The following RAB8B variants were observed in gnomAD, a reference collection of about 807,000 sequenced individuals.
The protein encoded by RAB8B is RAB8B, member RAS oncogene family, also known as ras-related protein Rab-8B.
A neutral mutation model predicts 32.0 loss-of-function variants in RAB8B; 11 were observed. The observed-to-expected ratio is 0.34, with a 90% CI of 0.22 to 0.57. RAB8B has a LOEUF of 0.57. Ranked by LOEUF, RAB8B falls within the 20% of genes least tolerant of loss-of-function variation. The pLI is 0.86. For synonymous variants in RAB8B, 103 were observed against 89.6 expected, an observed-to-expected ratio of 1.15 and a Z score of -0.85; for missense variants, 190 against 258.5, an observed-to-expected ratio of 0.73 and a Z score of 1.82.
chr15:63,237,687 T>C (rs1019517855), intron 1 of RAB8B, among the ~76,000 whole-genome samples: 6 of 152,312 alleles, frequency 3.9e-5, no homozygotes, highest in Admixed American at 3.9e-4. Flanking sequence ...GTGTGTTGTC[T>C]CTTCACTTTG....
At chr15:63,253,314 A>G (rs1006764153) in intron 3 of RAB8B, among the ~76,000 whole-genome samples, 14 of 152,088 alleles carry the variant, frequency 9.2e-5, no homozygotes, top group African/African-American at 2.9e-4. Context: ...TTCTTTGTCT[A>G]TGTGTATATG....
intron 1 of RAB8B, among the ~76,000 whole-genome samples, chr15:63,191,253 C>T (rs1293452905): frequency 6.6e-6 from 1 of 151,976 alleles, no homozygotes; most frequent in African/African-American, 2.4e-5. Context: ...TTTGGTAATA[C>T]GTGTGTTTAA....
chr15:63,200,297 T>C (rs2037636748), intron 1 of RAB8B, among the ~76,000 whole-genome samples: 1 of 152,248 alleles, frequency 6.6e-6, no homozygotes, highest in African/African-American at 2.4e-5. Flanking sequence ...CAAGCCTGTA[T>C]TGATCTTGTA....
At chr15:63,216,436 C>G (rs1403069137) in intron 1 of RAB8B, among the ~76,000 whole-genome samples, 1 of 151,602 alleles carries the variant, frequency 6.6e-6, no homozygotes, top group Non-Finnish European at 1.5e-5. Context: ...ACCATGTTGT[C>G]CAGGTTGGTC....
At chr15:63,205,161 A>G (rs1345717507) in intron 1 of RAB8B, among the ~76,000 whole-genome samples, 3 of 152,158 alleles carry the variant, frequency 2.0e-5, no homozygotes, top group Non-Finnish European at 2.9e-5. Flanking sequence ...TTAGCAGGGC[A>G]TGATGGTGGG....
intron 1 of RAB8B, among the ~76,000 whole-genome samples, chr15:63,199,463 A>G (rs913328953): frequency 6.6e-6 from 1 of 152,164 alleles, no homozygotes; most frequent in African/African-American, 2.4e-5. Context: ...TGCATTCCCT[A>G]TTTTGTCTAC....
intron 7 of RAB8B, 32 bp from the exon 8 acceptor site, chr15:63,263,495 T>C: frequency 6.5e-7 from 1 of 1,534,782 alleles, no homozygotes; most frequent in Non-Finnish European, 9.0e-7. Flanking sequence ...GAAACTTTTA[T>C]TTCCTTGGTA....
At chr15:63,207,400 C>T (rs1400350975) in intron 1 of RAB8B, among the ~76,000 whole-genome samples, 1 of 152,164 alleles carries the variant, frequency 6.6e-6, no homozygotes, top group African/African-American at 2.4e-5. Context: ...CTCTCTCAGA[C>T]TCCTCTGTGT....
At chr15:63,241,548 A>G (rs188106798) in intron 1 of RAB8B, among the ~76,000 whole-genome samples, 1 of 152,296 alleles carries the variant, frequency 6.6e-6, no homozygotes, top group African/African-American at 2.4e-5. Flanking sequence ...CTGTGGTGCA[A>G]CTGATCCGTA....
At chr15:63,251,447 G>A (rs1053373252) in intron 3 of RAB8B, 1 of 382,712 alleles carries the variant, frequency 2.6e-6, no homozygotes, top group African/African-American at 2.1e-5. Flanking sequence ...CATTTTCACT[G>A]GAGGGTGGGC....
chr15:63,218,199 A>G (rs1025371636), intron 1 of RAB8B, among the ~76,000 whole-genome samples: 3 of 152,084 alleles, frequency 2.0e-5, no homozygotes, highest in African/African-American at 4.8e-5. Flanking sequence ...TCCCAGTTTT[A>G]TCACTTTCTA....
intron 1 of RAB8B, among the ~76,000 whole-genome samples, chr15:63,213,047 C>T (rs2037760870): frequency 6.6e-6 from 1 of 152,214 alleles, no homozygotes; most frequent in South Asian, 2.1e-4. Context: ...CCCTCCCTCT[C>T]TTCCTCCCTT....
At chr15:63,196,265 C>T (rs2037599103) in intron 1 of RAB8B, among the ~76,000 whole-genome samples, 1 of 152,154 alleles carries the variant, frequency 6.6e-6, no homozygotes, top group South Asian at 2.1e-4. Flanking sequence ...CAGGCATGGC[C>T]ATCAAGGATG....
chr15:63,212,893 T>C (rs1381323331), intron 1 of RAB8B, among the ~76,000 whole-genome samples: 1 of 152,258 alleles, frequency 6.6e-6, no homozygotes, highest in Non-Finnish European at 1.5e-5. Flanking sequence ...AACCATGATA[T>C]AATTTTGCCT....
intron 1 of RAB8B, among the ~76,000 whole-genome samples, chr15:63,192,111 G>A (rs1326393333): frequency 6.6e-6 from 1 of 152,172 alleles, no homozygotes; most frequent in African/African-American, 2.4e-5. Flanking sequence ...TGTGTCTTCA[G>A]TTGACGTGGA....
chr15:63,203,014 TATG>T (rs1043440831), intron 1 of RAB8B, among the ~76,000 whole-genome samples: 3 of 152,226 alleles, frequency 2.0e-5, no homozygotes, highest in African/African-American at 7.2e-5. Flanking sequence ...TTGGTTTCTC[TATG>T]GCCCAAAAAG....
chr15:63,251,251 G>C (rs1340103377), intron 3 of RAB8B: 1 of 455,950 alleles, frequency 2.2e-6, no homozygotes, highest in East Asian at 6.9e-5. Context: ...GTGCCAGGAA[G>C]ACATTTGTTT....
intron 1 of RAB8B, among the ~76,000 whole-genome samples, chr15:63,224,772 G>T (rs2037875330): frequency 6.6e-6 from 1 of 152,074 alleles, no homozygotes; most frequent in Non-Finnish European, 1.5e-5. Context: ...AACTTTAAGG[G>T]ATGTATTAGA....
intron 1 of RAB8B, among the ~76,000 whole-genome samples, chr15:63,209,093 G>A (rs2037724493): frequency 6.6e-6 from 1 of 151,834 alleles, no homozygotes; most frequent in African/African-American, 2.4e-5. Flanking sequence ...GTTTCGCCAT[G>A]TTGCCCAGGC....
Sources: gnomAD v4.1 joint callset for allele counts (sites outside exome capture counted in the v4.1 genomes callset) on GRCh38, gnomAD v4.1.1 for gene constraint, MANE v1.5 for transcripts, NCBI Gene and HGNC (gene_info 2026-07-23, HGNC 2026-07-21) for gene names.